The following PRRC2B variants were observed in gnomAD, a reference collection of about 807,000 sequenced individuals.
PRRC2B encodes proline rich coiled-coil 2B, also known as protein PRRC2B.
In PRRC2B, 68 loss-of-function variants were observed where a neutral mutation model predicts 242.3. The ratio of observed to expected loss-of-function variants is 0.28; its 90% CI spans 0.23 to 0.34. PRRC2B has a LOEUF of 0.34. Ranked by LOEUF, PRRC2B falls within the 10% of genes least tolerant of loss-of-function variation. The pLI, the probability that PRRC2B is intolerant of heterozygous loss-of-function variation, is 1.00. For synonymous variants in PRRC2B, 1,228 were observed against 1,173.6 expected, an observed-to-expected ratio of 1.05 and a Z score of -0.95; for missense variants, 2,835 against 2,954.8, an observed-to-expected ratio of 0.96 and a Z score of 0.94.
chr9:131,492,832 C>T (rs538524318), intron 30 of PRRC2B, among the ~76,000 whole-genome samples: 8 of 152,328 alleles, frequency 5.3e-5, no homozygotes, highest in South Asian at 2.1e-4. Flanking sequence ...CGGATGTTGG[C>T]GAGAGCCTCT....
chr9:131,438,199 G>C (rs1232259271), intron 4 of PRRC2B, among the ~76,000 whole-genome samples: 2 of 152,208 alleles, frequency 1.3e-5, no homozygotes, highest in East Asian at 3.8e-4. Context: ...AGAAGAGGAA[G>C]GCTGTGAGAT....
In PRRC2B at chr9:131,380,666, C is replaced by T. The variant is rs566181633; in HGVS notation, c.-56+6935C>T. 5.6e-3 allele frequency among the ~76,000 whole-genome samples: 851 copies of T among 151,658 alleles called. 2 individuals are homozygous for T. The highest frequency in any genetic ancestry group is 0.014 in the Middle Eastern group (4 of 290). ...GGCTGAGGCGGGAGAATTACGAGGTCGGGAGTTTGAGACAAGCCTGGCCAA... is the reference window on the plus strand; with the variant it reads ...GGCTGAGGCGGGAGAATTACGAGGTTGGGAGTTTGAGACAAGCCTGGCCAA... On this transcript the variant is annotated intron_variant, in intron 1 of 1. Transcript: ENST00000682525.
chr9:131,474,841 G>A lies in PRRC2B; in HGVS notation c.2712G>A (p.Lys904=), dbSNP rs752896802. ...CCTTTAACATCTCCTCCTGGGACAA[G>A]AACGGGAGCCCCAACAAACAGCCAT... ...GTAFNISSWD[K]NGSPNKQPSS... The change falls in exon 16 of 32, where the codon AAG becomes AAA. Residue 904 remains lysine (K), a synonymous_variant. Coordinates refer to ENST00000683519, the MANE Select transcript of PRRC2B (RefSeq NM_013318.4). 9 of 1,610,586 alleles carry A rather than the reference G, an allele frequency of 5.6e-6. No individual in the cohort carries two copies. The highest frequency in any genetic ancestry group is 7.6e-6 in the Non-Finnish European group (9 of 1,179,028).
At chr9:131,435,914 A>G (rs1838351822) in intron 3 of PRRC2B, among the ~76,000 whole-genome samples, 2 of 152,158 alleles carry the variant, frequency 1.3e-5, no homozygotes, top group African/African-American at 2.4e-5. Context: ...AGGTATAGAA[A>G]AGTCTGCTTG....
chr9:131,478,505 C>T lies in PRRC2B; in HGVS notation c.4644C>T (p.Pro1548=), dbSNP rs200085835. The T allele has an allele frequency of 7.6e-5, 122 of 1,613,450 alleles. No individual in the cohort carries two copies. In the African/African-American group the frequency reaches 1.1e-3, roughly 14 times the overall value. The change falls in exon 18 of 32, where the codon CCC becomes CCT. Residue 1548 remains proline, a synonymous_variant. Coordinates refer to ENST00000683519, the MANE Select transcript of PRRC2B (RefSeq NM_013318.4). ...SAIIENCGSS[P]GEESEVGSMV... ...TCATTGAAAATTGCGGGTCCAGCCC[C>T]GGGGAGGAGAGTGAGGTGGGTTCTA...
At chr9:131,420,447 T>TTCTCTTTCTC in intron 1 of PRRC2B, among the ~76,000 whole-genome samples, 1 of 118,556 alleles carries the variant, frequency 8.4e-6, no homozygotes, top group South Asian at 3.0e-4. Flanking sequence ...TTCTTTTTCT[T>TTCTCTTTCTC]TTTCTTTTTC....
chr9:131,448,558 A>AAAAC (rs1838899205), intron 9 of PRRC2B, among the ~76,000 whole-genome samples: 17 of 144,242 alleles, frequency 1.2e-4, no homozygotes, highest in South Asian at 2.3e-4. Context: ...AAAAAAAAAA[A>AAAAC]AAAAAAAAAA....
rs771617246 is a variant in PRRC2B, at chr9:131,478,493, C to T, written c.4632C>T (p.Cys1544=). 2.5e-5 allele frequency: 41 copies of T among 1,613,144 alleles called. No homozygotes were observed. Among genetic ancestry groups the T allele is most frequent in the Admixed American group, 1.3e-4 (8 of 59,956 alleles). Residue 1544 remains cysteine (C), a synonymous_variant, in exon 18 of 32, where the codon TGC becomes TGT. Coordinates refer to ENST00000683519, the MANE Select transcript of PRRC2B (RefSeq NM_013318.4). ...GTTCAGGTGCCATCATTGAAAATTGCGGGTCCAGCCCCGGGGAGGAGAGTG... is the reference window on the plus strand; with the variant it reads ...GTTCAGGTGCCATCATTGAAAATTGTGGGTCCAGCCCCGGGGAGGAGAGTG... ...LNYGSAIIEN[C]GSSPGEESEV...
At chr9:131,420,507 T>TCTTTCTTTC (rs1564278700) in intron 1 of PRRC2B, among the ~76,000 whole-genome samples, 4 of 126,546 alleles carry the variant, frequency 3.2e-5, no homozygotes, top group African/African-American at 1.2e-4. Context: ...TTTTTTTTTT[T>TCTTTCTTTC]TTTGAGATGG....
Position 131,459,224 on chromosome 9 carries a change from C to T in PRRC2B, c.1272C>T (p.Asp424=), listed in dbSNP as rs763466394. The T allele has an allele frequency of 1.2e-5, 20 of 1,613,824 alleles. No individual in the cohort carries two copies. Among genetic ancestry groups the T allele is most frequent in the East Asian group, 6.7e-5 (3 of 44,886 alleles). Residue 424 remains aspartate, a synonymous_variant, in exon 11 of 32, where the codon GAC becomes GAT. Transcript: ENST00000683519. ...CAATGAGCTCTGCAGACAGTGCGGA[C>T]GCTAAGCGGACTCGAGAGGAAGGGA... is the stretch of plus-strand genomic sequence containing the variant. The part of the protein sequence containing the change: ...QLSMSSADSA[D]AKRTREEGKD...
Position 131,473,742 on chromosome 9 carries a change from C to T in PRRC2B, c.2324+18C>T, listed in dbSNP as rs183958823. 1.5e-4 allele frequency: 239 copies of T among 1,599,400 alleles called. No individual in the cohort carries two copies. The highest frequency in any genetic ancestry group is 4.6e-4 in the Admixed American group (27 of 59,252). ...CGTGTCAGGTGAGATGAAGCCTGGT[C>T]CTGCTGCCTTGCCACTGAAGGAGGA... is the stretch of plus-strand genomic sequence containing the variant. On this transcript the variant is annotated intron_variant, in intron 15 of 31. Coordinates refer to ENST00000683519, the MANE Select transcript of PRRC2B (RefSeq NM_013318.4).
rs777271300 is a variant in PRRC2B, at chr9:131,495,000, G to GC, written c.6555+518dup. Among the ~76,000 whole-genome samples the GC allele has an allele frequency of 3.3e-5, 5 of 152,290 alleles. No homozygotes were observed. Among genetic ancestry groups the GC allele is most frequent in the Admixed American group, 6.5e-5 (1 of 15,302 alleles). ...AAACGTGCTGGGGCTCAGAGCTTAA[G>GC]CCCCTCAGACGTGGGTTTTTAATCA... is the stretch of plus-strand genomic sequence containing the variant. On this transcript the variant is annotated intron_variant, in intron 31 of 31. Coordinates refer to ENST00000683519, the MANE Select transcript of PRRC2B (RefSeq NM_013318.4). This position sits in a 1 kb window ranked among gnomAD's most constrained non-coding sequence, Gnocchi z 4.3.
chr9:131,465,130 C>T lies in PRRC2B; in HGVS notation c.1720+52C>T, dbSNP rs1459496265. ...ACTGGAAACCCTGGCCTGTTGTCCT[C>T]GTCTTGTTACTTGCAACTGCCTTCC... is the stretch of plus-strand genomic sequence containing the variant. On this transcript the variant is annotated intron_variant, in intron 12 of 31. Coordinates refer to ENST00000683519, the MANE Select transcript of PRRC2B (RefSeq NM_013318.4). 3.5e-5 allele frequency: 53 copies of T among 1,518,972 alleles called. No homozygotes were observed. The Admixed American group carries it at 1.0e-3, about 29-fold the overall frequency. 94.1% of individuals were successfully genotyped at this position (1,518,972 alleles called of 1,614,324 possible).
chr9:131,467,649 A>G lies in PRRC2B; in HGVS notation c.1807A>G (p.Ser603Gly). The G allele has an allele frequency of 1.9e-6, 3 of 1,613,966 alleles. No homozygotes were observed. The highest frequency in any genetic ancestry group is 1.7e-5 in the Admixed American group (1 of 60,022). The change falls in exon 13 of 32, where the codon AGC (serine) becomes GGC (glycine). Residue 603 changes from serine (S) to glycine (G), a missense_variant. Coordinates refer to ENST00000683519, the MANE Select transcript of PRRC2B (RefSeq NM_013318.4). ...GTCCCCAGCAGTGGCACAGAGCAACAGCAGTGAGGAAGAGGCCAGAGAGGC... is the reference window on the plus strand; with the variant it reads ...GTCCCCAGCAGTGGCACAGAGCAACGGCAGTGAGGAAGAGGCCAGAGAGGC... ...TVSPAVAQSN[S>G]SEEEAREAGS...
Position 131,470,768 on chromosome 9 carries a change from C to T in PRRC2B, c.1912-20C>T. On this transcript the variant is annotated intron_variant, in intron 13 of 31. Coordinates refer to ENST00000683519, the MANE Select transcript of PRRC2B (RefSeq NM_013318.4). Reference sequence around the variant, plus strand: ...CCTGGCCGCACCAGCCTGACCAAGTCTCTCTCTCTCTGTGGGCAGGAGCAG... The same window carrying T: ...CCTGGCCGCACCAGCCTGACCAAGTTTCTCTCTCTCTGTGGGCAGGAGCAG... 7.2e-7 allele frequency: 1 copy of T among 1,394,718 alleles called. No homozygotes were observed. The highest frequency in any genetic ancestry group is 9.9e-7 in the Non-Finnish European group (1 of 1,012,438). 86.4% of individuals were successfully genotyped at this position (1,394,718 alleles called of 1,614,324 possible).
chr9:131,440,829 G>T (rs1335825349), intron 5 of PRRC2B, among the ~76,000 whole-genome samples: 1 of 75,356 alleles, frequency 1.3e-5, no homozygotes, highest in Non-Finnish European at 2.7e-5. Context: ...ATGGGGGTGA[G>T]GGCTGGACAC....
chr9:131,415,783 A>C (rs552644072), intron 1 of PRRC2B, among the ~76,000 whole-genome samples: 13 of 152,220 alleles, frequency 8.5e-5, no homozygotes, highest in African/African-American at 2.6e-4. Flanking sequence ...AAGCTTTTAG[A>C]TTCTCAAACT....
chr9:131,499,392 T>C lies in PRRC2B; in HGVS notation c.*3518T>C, dbSNP rs1208316542. On this transcript the variant is annotated 3_prime_UTR_variant, in exon 32 of 32. Coordinates refer to ENST00000683519, the MANE Select transcript of PRRC2B (RefSeq NM_013318.4). ...TCTTCATTTGTCCCTTTTCACTTCC[T>C]GCAGAACAAGCCTGGGTTAGAGGGT... is the stretch of plus-strand genomic sequence containing the variant. The C allele has an allele frequency of 2.0e-5, 3 of 152,218 alleles. No homozygotes were observed. Among genetic ancestry groups the C allele is most frequent in the Admixed American group, 6.5e-5 (1 of 15,284 alleles). 9.4% of individuals were successfully genotyped at this position (152,218 alleles called of 1,614,324 possible). A position where few individuals can be genotyped will look rare whatever the true frequency, so the allele number is the denominator to read the frequency against.
intron 1 of PRRC2B, among the ~76,000 whole-genome samples, chr9:131,403,289 T>G (rs919745574): frequency 3.9e-5 from 6 of 152,150 alleles, no homozygotes; most frequent in South Asian, 4.1e-4. Context: ...TTTTCTGGTT[T>G]TTTGTTTGTT....
Sources: gnomAD v4.1 joint callset for allele counts (sites outside exome capture counted in the v4.1 genomes callset) on GRCh38, gnomAD v4.1.1 for gene constraint, Gnocchi (gnomAD v3.1) non-coding constraint, MANE v1.5 for transcripts, NCBI Gene and HGNC (gene_info 2026-07-23, HGNC 2026-07-21) for gene names.